Variants in GRID2 observed in about 807,000 individuals in gnomAD.
The protein encoded by GRID2 is glutamate ionotropic receptor delta type subunit 2.
A neutral mutation model predicts 114.8 loss-of-function variants in GRID2; 33 were observed. The observed-to-expected ratio is 0.29, with a 90% CI of 0.22 to 0.38. The LOEUF (loss-of-function observed/expected upper bound fraction) is 0.38, where lower values mean the gene tolerates loss of function less well. Ranked by LOEUF, GRID2 falls within the 10% of genes least tolerant of loss-of-function variation. The probability of loss-of-function intolerance (pLI) is 1.00; values close to 1 mark genes in which losing one functional copy is unlikely to be tolerated. For missense variants in GRID2, 1,184 were observed against 1,257.7 expected (o/e 0.94, Z 0.89); for synonymous variants, 505 against 449.9 (o/e 1.12, Z -1.55).
intron 2 of GRID2, among the ~76,000 whole-genome samples, chr4:93,004,222 C>CA (rs1721281464): frequency 6.7e-6 from 1 of 148,252 alleles, no homozygotes; most frequent in South Asian, 2.2e-4. Flanking sequence ...CAAAAAAAGT[C>CA]TTTTTTTTTT....
chr4:92,506,150 G>A (rs987838085), intron 1 of GRID2, among the ~76,000 whole-genome samples: 2 of 151,934 alleles, frequency 1.3e-5, no homozygotes, highest in Non-Finnish European at 2.9e-5. Context: ...AATTCTAGAA[G>A]TACATGTGGC....
intron 2 of GRID2, among the ~76,000 whole-genome samples, chr4:92,781,072 C>A (rs975274092): frequency 1.1e-4 from 16 of 152,064 alleles, no homozygotes; most frequent in African/African-American, 3.9e-4. Context: ...TGGTGAAACT[C>A]GGTCTCTACT....
chr4:93,216,636 CA>C, intron 5 of GRID2, 101 bp from the exon 6 acceptor site: 2 of 757,928 alleles, frequency 2.6e-6, no homozygotes, highest in South Asian at 3.6e-5. Flanking sequence ...CAATATATTA[CA>C]GTAACAGAAT....
At chr4:93,621,922 A>AAG (rs148798164) in intron 13 of GRID2, among the ~76,000 whole-genome samples, 17,080 of 152,174 alleles carry the variant, frequency 0.11, 1,023 homozygotes, top group Middle Eastern at 0.14. Flanking sequence ...TATACATTTA[A>AAG]GTAGAGCTCT....
intron 2 of GRID2, among the ~76,000 whole-genome samples, chr4:92,593,910 A>T (rs1488100002): frequency 1.3e-5 from 2 of 150,108 alleles, no homozygotes; most frequent in Non-Finnish European, 3.0e-5. Flanking sequence ...TGTTCTCCGT[A>T]AAAAGATAAA....
chr4:92,959,785 A>T (rs547186337), intron 2 of GRID2, among the ~76,000 whole-genome samples: 56 of 152,208 alleles, frequency 3.7e-4, no homozygotes, highest in Non-Finnish European at 6.6e-4. Context: ...GTTCTCATTC[A>T]TAAGTGGGAG....
chr4:93,168,246 G>T (rs974030319), intron 4 of GRID2, among the ~76,000 whole-genome samples: 2 of 151,408 alleles, frequency 1.3e-5, no homozygotes, highest in African/African-American at 4.9e-5. Flanking sequence ...GAAAGAAAAG[G>T]AAAGGAAAGG....
At chr4:93,733,543 T>C (rs1231805765) in intron 14 of GRID2, among the ~76,000 whole-genome samples, 10 of 152,140 alleles carry the variant, frequency 6.6e-5, no homozygotes, top group African/African-American at 2.2e-4. Flanking sequence ...GGCATTCAGA[T>C]AGAGTTCTCT....
chr4:92,510,390 G>A (rs762913092), intron 1 of GRID2, among the ~76,000 whole-genome samples: 1 of 151,864 alleles, frequency 6.6e-6, no homozygotes, highest in African/African-American at 2.4e-5. Context: ...ACAGCACAGA[G>A]GAGTTTTCCA....
intron 1 of GRID2, among the ~76,000 whole-genome samples, chr4:93,800,474 T>G (rs1357934818): frequency 6.6e-6 from 1 of 152,244 alleles, no homozygotes; most frequent in Non-Finnish European, 1.5e-5. Flanking sequence ...TAGTTTATGT[T>G]GCATCAGAGA....
At chr4:92,441,144 T>G (rs969295615) in intron 1 of GRID2, among the ~76,000 whole-genome samples, 8 of 152,010 alleles carry the variant, frequency 5.3e-5, no homozygotes, top group African/African-American at 1.9e-4. Context: ...GTAAGAATTC[T>G]GACCGCACTA....
chr4:93,281,069 T>C (rs1309367927), intron 8 of GRID2, among the ~76,000 whole-genome samples: 1 of 151,892 alleles, frequency 6.6e-6, no homozygotes, highest in Non-Finnish European at 1.5e-5. Flanking sequence ...ACATATATGA[T>C]ACATTATACT....
chr4:93,184,659 G>A (rs143874979), intron 4 of GRID2, among the ~76,000 whole-genome samples: 4,137 of 152,132 alleles, frequency 0.027, 95 homozygotes, highest in Non-Finnish European at 0.041. Flanking sequence ...CAAGGTGGGC[G>A]GATCAAGAGG....
chr4:93,600,944 T>G (rs1379016194), intron 13 of GRID2, among the ~76,000 whole-genome samples: 1 of 152,196 alleles, frequency 6.6e-6, no homozygotes, highest in East Asian at 1.9e-4. Flanking sequence ...ATATCATTTC[T>G]ATGAAGCTCA....
At chr4:93,319,934 C>A (rs548116289) in intron 8 of GRID2, 2 of 152,232 alleles carry the variant, frequency 1.3e-5, no homozygotes, top group African/African-American at 4.8e-5. Context: ...AGCAAACCAT[C>A]CAGGCTGCCC....
intron 2 of GRID2, among the ~76,000 whole-genome samples, chr4:92,711,659 T>C (rs1298056953): frequency 2.6e-5 from 4 of 152,096 alleles, no homozygotes; most frequent in Non-Finnish European, 5.9e-5. Context: ...TCCAAGCACT[T>C]TGGGAAGTCA....
At chr4:93,276,202 A>G (rs1752042484) in intron 8 of GRID2, among the ~76,000 whole-genome samples, 1 of 151,930 alleles carries the variant, frequency 6.6e-6, no homozygotes, top group Admixed American at 6.6e-5. Flanking sequence ...CATTTGTTGA[A>G]ACATCTATTC....
intron 14 of GRID2, 67 bp from the exon 15 acceptor site, chr4:93,769,143 G>C (rs1733914643): frequency 5.3e-6 from 8 of 1,504,858 alleles, no homozygotes; most frequent in Non-Finnish European, 7.4e-6. Flanking sequence ...GATTATAAAT[G>C]GATGTGTTGT....
intron 2 of GRID2, among the ~76,000 whole-genome samples, chr4:92,638,850 C>T (rs1364878189): frequency 1.3e-5 from 2 of 150,754 alleles, no homozygotes; most frequent in Non-Finnish European, 3.0e-5. Context: ...TCCAAATTCT[C>T]AATATTTCAT....
Sources: gnomAD v4.1 joint callset for allele counts (sites outside exome capture counted in the v4.1 genomes callset) on GRCh38, gnomAD v4.1.1 for gene constraint, MANE v1.5 for transcripts, NCBI Gene and HGNC (gene_info 2026-07-23, HGNC 2026-07-21) for gene names.